Variants in EYA1 observed in about 807,000 individuals in gnomAD.
EYA1 encodes the protein EYA transcriptional coactivator and phosphatase 1, also known as protein phosphatase EYA1.
Under a neutral mutation model 82.0 loss-of-function variants are expected in EYA1, and 16 were observed. The observed-to-expected ratio is 0.20, with a 90% CI of 0.13 to 0.30. EYA1 has a LOEUF of 0.30. Ranked by LOEUF, EYA1 falls within the 10% of genes least tolerant of loss-of-function variation. EYA1 has a pLI of 1.00. For missense variants in EYA1, 633 were observed against 730.7 expected, an observed-to-expected ratio of 0.87 and a Z score of 1.54; for synonymous variants, 261 against 264.4, an observed-to-expected ratio of 0.99 and a Z score of 0.12.
rs185862462 is a variant in EYA1, at chr8:71,482,406, G to A, written c.33+53338C>T. Among the ~76,000 whole-genome samples the A allele has an allele frequency of 5.0e-3, 759 of 152,304 alleles. 2 individuals carry two copies. The highest frequency in any genetic ancestry group is 9.0e-3 in the Non-Finnish European group (615 of 68,024). ...ACTAGTATCAAGTGTTGTTGAGGACGTAGAGTAACTTGAGTGCTCACACAT... is the reference window on the plus strand; with the variant it reads ...ACTAGTATCAAGTGTTGTTGAGGACATAGAGTAACTTGAGTGCTCACACAT... On this transcript the variant is annotated intron_variant, in intron 2 of 18. Transcript: ENST00000643681.
At chr8:71,505,316 C>T (rs556556891) in intron 2 of EYA1, among the ~76,000 whole-genome samples, 67 of 152,274 alleles carry the variant, frequency 4.4e-4, no homozygotes, top group African/African-American at 1.6e-3. Context: ...GTTTGAGAAG[C>T]GCTGGCTCAA....
At chr8:71,206,935 TTA>T (rs10539572) in intron 17 of EYA1, among the ~76,000 whole-genome samples, 48,373 of 151,696 alleles carry the variant, frequency 0.32, 8,151 homozygotes, top group East Asian at 0.66. Context: ...TTTATATCTT[TTA>T]TAAAGACAGG....
intron 9 of EYA1, among the ~76,000 whole-genome samples, chr8:71,280,657 C>G (rs1817707558): frequency 6.6e-6 from 1 of 152,222 alleles, no homozygotes; most frequent in Non-Finnish European, 1.5e-5. Flanking sequence ...AAACCAAATG[C>G]TCACAACATG....
At chr8:71,544,690 A>G (rs2129294341) in intron 1 of EYA1, among the ~76,000 whole-genome samples, 1 of 152,262 alleles carries the variant, frequency 6.6e-6, no homozygotes, top group South Asian at 2.1e-4. Flanking sequence ...TGAGTTACTT[A>G]CTTAACTTTC....
At chr8:71,398,079 A>C (rs1047026863) in intron 2 of EYA1, among the ~76,000 whole-genome samples, 2 of 152,030 alleles carry the variant, frequency 1.3e-5, no homozygotes, top group African/African-American at 2.4e-5. Flanking sequence ...ACTTGATCAA[A>C]TCTTGTACTT....
At chr8:71,263,680 C>G (rs941546708) in intron 11 of EYA1, among the ~76,000 whole-genome samples, 3 of 152,172 alleles carry the variant, frequency 2.0e-5, no homozygotes, top group Non-Finnish European at 4.4e-5. Context: ...GGCAGGCAGA[C>G]AGCCTTTCTC....
intron 7 of EYA1, among the ~76,000 whole-genome samples, chr8:71,301,163 A>G (rs996929886): frequency 5.3e-5 from 8 of 152,216 alleles, no homozygotes; most frequent in Non-Finnish European, 8.8e-5. Context: ...ATGTGGTAAT[A>G]TATGCCAATT....
chr8:71,483,682 T>C (rs1295276755), intron 2 of EYA1, among the ~76,000 whole-genome samples: 1 of 151,864 alleles, frequency 6.6e-6, no homozygotes, highest in African/African-American at 2.4e-5. Flanking sequence ...TGCGTGTGTG[T>C]GTGTGTGTGT....
chr8:71,261,419 GTA>G (rs1338149108), intron 11 of EYA1, among the ~76,000 whole-genome samples: 1 of 152,068 alleles, frequency 6.6e-6, no homozygotes, highest in Non-Finnish European at 1.5e-5. Flanking sequence ...AAGAGAGACT[GTA>G]TACACATAAA....
chr8:71,299,809 G>A (rs1164607359), intron 7 of EYA1, 89 bp from the exon 8 acceptor site: 9 of 783,752 alleles, frequency 1.1e-5, no homozygotes, highest in Non-Finnish European at 2.1e-5. Context: ...GGCAGAATTG[G>A]TATTTGGTTT....
At chr8:71,211,107 AG>A in intron 17 of EYA1, 48 bp downstream of exon 17, 1 of 1,136,104 alleles carries the variant, frequency 8.8e-7, no homozygotes, top group Non-Finnish European at 1.3e-6. Flanking sequence ...GAGAATACTG[AG>A]GACTGAAAAA....
At chr8:71,281,397 A>G (rs1004610680) in intron 9 of EYA1, among the ~76,000 whole-genome samples, 4 of 152,202 alleles carry the variant, frequency 2.6e-5, no homozygotes, top group Admixed American at 2.0e-4. Flanking sequence ...AAGAGATACC[A>G]CTAGTGAACA....
chr8:71,370,497 C>T (rs147347893), intron 2 of EYA1, among the ~76,000 whole-genome samples: 1,719 of 151,514 alleles, frequency 0.011, 30 homozygotes, highest in African/African-American at 0.038. Context: ...GCTGACTGAA[C>T]ACATGCATTT....
intron 2 of EYA1, among the ~76,000 whole-genome samples, chr8:71,517,614 C>T (rs1046245653): frequency 5.9e-5 from 9 of 151,318 alleles, no homozygotes; most frequent in Non-Finnish European, 1.2e-4. Flanking sequence ...ATTTGCTTCA[C>T]AGTGACTTTA....
intron 3 of EYA1, among the ~76,000 whole-genome samples, chr8:71,345,124 C>T (rs1334835048): frequency 6.6e-6 from 1 of 152,130 alleles, no homozygotes; most frequent in Non-Finnish European, 1.5e-5. Context: ...AAAAATATAA[C>T]ATTATTTAAT....
At chr8:71,404,034 G>C (rs1254340798) in intron 2 of EYA1, 1 of 152,180 alleles carries the variant, frequency 6.6e-6, no homozygotes, top group African/African-American at 2.4e-5. Context: ...GATTGTTGTG[G>C]TCAGTTTGAC....
chr8:71,204,257 T>C (rs1807448929), intron 17 of EYA1: 1 of 152,220 alleles, frequency 6.6e-6, no homozygotes, highest in African/African-American at 2.4e-5. Flanking sequence ...AAAAATCTCC[T>C]TCCTCCATCC....
chr8:71,264,754 T>C (rs78868272), intron 11 of EYA1, among the ~76,000 whole-genome samples: 3 of 147,648 alleles, frequency 2.0e-5, no homozygotes, highest in African/African-American at 7.6e-5. Context: ...AATTTTTGTA[T>C]TTTTTTTTTG....
chr8:71,421,297 C>G (rs1033179325), intron 2 of EYA1, among the ~76,000 whole-genome samples: 1 of 152,196 alleles, frequency 6.6e-6, no homozygotes, highest in East Asian at 1.9e-4. Context: ...GGGAACTCAG[C>G]ACAGACTTAG....
Sources: allele counts gnomAD v4.1 joint callset (sites outside exome capture counted in the v4.1 genomes callset), GRCh38; gene constraint gnomAD v4.1.1; transcripts MANE v1.5; gene names NCBI Gene and HGNC (gene_info 2026-07-23, HGNC 2026-07-21).